MIA3: variants seen among roughly 807,000 people sequenced by gnomAD.
MIA3 encodes the protein transport and Golgi organization protein 1 homolog.
Under a neutral mutation model 192.4 loss-of-function variants are expected in MIA3, and 90 were observed. That is an observed-to-expected ratio of 0.47 (90% CI 0.39 to 0.56). The LOEUF is 0.56. Among genes scored for constraint, MIA3 ranks in the 20% least tolerant of loss-of-function variants. The pLI is 0.00. For missense variants in MIA3, 2,123 were observed against 2,269.4 expected (o/e 0.94, Z 1.31); for synonymous variants, 740 against 792.8 (o/e 0.93, Z 1.12).
At chr1:222,618,433 G>A (rs1437668571) in intron 1 of MIA3, among the ~76,000 whole-genome samples, 190 bp downstream of exon 1, 2 of 152,140 alleles carry the variant, frequency 1.3e-5, no homozygotes, top group African/African-American at 4.8e-5. Flanking sequence ...CCCTGTGTCT[G>A]CCTTCTCCCG....
At position 222,659,650 on chromosome 1, in the gene MIA3, A is replaced by C. The variant is rs202182876; in HGVS notation, c.4799A>C (p.Glu1600Ala). 2,496 of 1,614,036 alleles carry C rather than the reference A, an allele frequency of 1.5e-3. 3 individuals are homozygous for C. The highest frequency in any genetic ancestry group is 2.0e-3 in the Non-Finnish European group (2,327 of 1,179,946). The change falls in exon 21 of 28, where the codon GAA becomes GCA. Residue 1600 changes from glutamate (E) to alanine (A), a missense_variant. Physicochemically the swap from Glu to Ala is moderately radical, Grantham distance 107. Around this residue, in one of 3 missense-constraint regions of MIA3, gnomAD observed 762 missense variants for 856.4 expected, o/e 0.89. Transcript: ENST00000344922. The stretch of plus-strand genomic sequence containing the variant: ...GCTACCCATGAGAAGAAAGCTCATG[A>C]AAACTGGGTAAGATTTCTTTTTTTC... ...QIATHEKKAH[E>A]NWLKARAAER...
intron 18 of MIA3, 75 bp from the exon 19 acceptor site, chr1:222,658,647 A>G (rs749887894): frequency 2.0e-6 from 2 of 996,586 alleles, no homozygotes; most frequent in Non-Finnish European, 3.0e-6. Context: ...AGGAAGTGAG[A>G]TTTTATTGGA....
chr1:222,654,807 C>T lies in MIA3; in HGVS notation c.4607+14C>T. 1 of 1,607,402 alleles carries T rather than the reference C, an allele frequency of 6.2e-7. No individual in the cohort carries two copies. Among genetic ancestry groups the T allele is most frequent in the South Asian group, 1.1e-5 (1 of 90,806 alleles). ...GGCTTTGCAAAAGTAAGATTATCAT[C>T]ATTTACTGTTAACTGTATTGTCATG... On this transcript the variant is annotated intron_variant, in intron 18 of 27. Transcript: ENST00000344922.
chr1:222,638,693 T>C (rs932187769), intron 6 of MIA3, among the ~76,000 whole-genome samples: 2 of 151,542 alleles, frequency 1.3e-5, no homozygotes, highest in Non-Finnish European at 2.9e-5. Flanking sequence ...TGAGACCTTG[T>C]CTCAAGAAAA....
At chr1:222,621,070 G>A in intron 1 of MIA3, 89 bp from the exon 2 acceptor site, 1 of 1,138,028 alleles carries the variant, frequency 8.8e-7, no homozygotes, top group Non-Finnish European at 1.2e-6. Flanking sequence ...GTTTATAGTG[G>A]GATTCTTATA....
intron 6 of MIA3, among the ~76,000 whole-genome samples, chr1:222,643,328 G>A (rs1255171280): frequency 1.3e-5 from 2 of 152,140 alleles, no homozygotes; most frequent in African/African-American, 2.4e-5. Context: ...CAAATTTCCA[G>A]TGCAGTTGGG....
chr1:222,644,320 G>A (rs1004596786), intron 6 of MIA3: 1 of 1,448,362 alleles, frequency 6.9e-7, no homozygotes. Context: ...TTTATAGGCG[G>A]CATAAAGCGA....
At chr1:222,624,624 A>C (rs896483795) in intron 2 of MIA3, 144 bp from the exon 3 acceptor site, 1 of 564,198 alleles carries the variant, frequency 1.8e-6, no homozygotes, top group African/African-American at 1.9e-5. Context: ...AAGTGGTCTC[A>C]AATAGCGGAG....
At chr1:222,639,475 AC>A (rs1662763147) in intron 6 of MIA3, among the ~76,000 whole-genome samples, 2 of 152,322 alleles carry the variant, frequency 1.3e-5, no homozygotes, top group Admixed American at 1.3e-4. Context: ...AAACATTGGT[AC>A]AAAAATTCTA....
intron 18 of MIA3, among the ~76,000 whole-genome samples, chr1:222,655,142 T>G (rs962569843): frequency 1.3e-5 from 2 of 152,262 alleles, no homozygotes; most frequent in African/African-American, 4.8e-5. Flanking sequence ...GTAATTTCCT[T>G]TAAACAGTCT....
At chr1:222,647,149 C>T (rs757643743) in intron 7 of MIA3, among the ~76,000 whole-genome samples, 4 of 152,034 alleles carry the variant, frequency 2.6e-5, no homozygotes, top group African/African-American at 4.8e-5. Flanking sequence ...CTTTTTATTT[C>T]GAAATGCAAA....
intron 6 of MIA3, among the ~76,000 whole-genome samples, chr1:222,642,664 G>GATC (rs1477365080): frequency 6.6e-6 from 1 of 152,160 alleles, no homozygotes; most frequent in East Asian, 1.9e-4. Flanking sequence ...TTTATATAAA[G>GATC]ATCAGCATAG....
chr1:222,656,732 C>T (rs571570860), intron 18 of MIA3, among the ~76,000 whole-genome samples: 6 of 152,270 alleles, frequency 3.9e-5, no homozygotes, highest in African/African-American at 1.4e-4. Context: ...ATCTCCCACC[C>T]CTACCCCTCG....
At chr1:222,622,750 T>C (rs1452466006) in intron 2 of MIA3, among the ~76,000 whole-genome samples, 2 of 152,222 alleles carry the variant, frequency 1.3e-5, no homozygotes, top group Admixed American at 6.5e-5. Flanking sequence ...TTTCCACTCC[T>C]CATCTTTGAG....
intron 18 of MIA3, among the ~76,000 whole-genome samples, chr1:222,656,186 A>G (rs1663717828): frequency 6.6e-6 from 1 of 151,518 alleles, no homozygotes; most frequent in Admixed American, 6.6e-5. Flanking sequence ...GTTAGCCAGG[A>G]TGGTCTCAAT....
In MIA3 at chr1:222,666,566, C is replaced by T. The variant is rs531704377; in HGVS notation, c.*947C>T. On this transcript the variant is annotated 3_prime_UTR_variant, in exon 28 of 28. Coordinates refer to ENST00000344922, the MANE Select transcript of MIA3 (RefSeq NM_198551.4). ...TATCTATCTTTCCCATTCCTTGCCACTGATTTTTGAGGAATATAATAAAAA... is the reference window on the plus strand; with the variant it reads ...TATCTATCTTTCCCATTCCTTGCCATTGATTTTTGAGGAATATAATAAAAA... 2 of 151,604 alleles carry T rather than the reference C, an allele frequency of 1.3e-5. No individual in the cohort carries two copies. Among genetic ancestry groups the T allele is most frequent in the Non-Finnish European group, 2.9e-5 (2 of 67,976 alleles). 9.4% of individuals were successfully genotyped at this position (151,604 alleles called of 1,614,324 possible). A position where few individuals can be genotyped will look rare whatever the true frequency, so the allele number is the denominator to read the frequency against.
rs751873073 is a variant in MIA3 at position 222,659,946 on chromosome 1, G to C, written c.4915G>C (p.Glu1639Gln). Residue 1639 changes from glutamate (E) to glutamine (Q), a missense_variant, in exon 23 of 28, where the codon GAA (glutamate) becomes CAA (glutamine). By Grantham distance (29) the Glu-to-Gln change is conservative (BLOSUM62 2). Around this residue, in one of 3 missense-constraint regions of MIA3, gnomAD observed 762 missense variants for 856.4 expected, o/e 0.89. Coordinates refer to ENST00000344922, the MANE Select transcript of MIA3 (RefSeq NM_198551.4). ...ACAAAAGATGGCAATGCTGCAAGAA[G>C]AACCTGTGATTGTAAAACCAATGCC... ...LTQKMAMLQE[E>Q]PVIVKPMPGK... The C allele has an allele frequency of 3.0e-5, 49 of 1,613,758 alleles. No individual in the cohort carries two copies. In the Admixed American group the frequency reaches 3.3e-4, roughly 11 times the overall value.
chr1:222,654,580 C>G (rs1663608868), intron 17 of MIA3, 75 bp from the exon 18 acceptor site: 1 of 1,567,660 alleles, frequency 6.4e-7, no homozygotes, highest in African/African-American at 1.4e-5. Flanking sequence ...TCTCATTTCT[C>G]TCAGCACCAG....
At chr1:222,659,195 G>A (rs541388156) in intron 19 of MIA3, 5 of 485,470 alleles carry the variant, frequency 1.0e-5, no homozygotes, top group African/African-American at 8.0e-5. Flanking sequence ...ATTAATAATA[G>A]GATTATTTGA....
Sources: allele counts gnomAD v4.1 joint callset (sites outside exome capture counted in the v4.1 genomes callset), GRCh38; gene constraint gnomAD v4.1.1; regional missense constraint gnomAD v4.1.1; transcripts MANE v1.5; gene names NCBI Gene and HGNC (gene_info 2026-07-23, HGNC 2026-07-21).